EEFSEC: variants seen among roughly 807,000 people sequenced by gnomAD.
EEFSEC encodes the protein selenocysteine-specific elongation factor.
A neutral mutation model predicts 42.1 loss-of-function variants in EEFSEC; 43 were observed. The ratio of observed to expected loss-of-function variants is 1.02; its 90% CI spans 0.80 to 1.32. EEFSEC has a LOEUF of 1.32. Ranked by LOEUF, EEFSEC falls within the 40% of genes most tolerant of loss-of-function variation. The pLI is 0.00. For synonymous variants in EEFSEC, 354 were observed against 339.1 expected (o/e 1.04, Z -0.48); for missense variants, 745 against 803.6 (o/e 0.93, Z 0.88).
At chr3:128,244,448 C>T (rs2066105071) in intron 1 of EEFSEC, among the ~76,000 whole-genome samples, 1 of 150,916 alleles carries the variant, frequency 6.6e-6, no homozygotes, top group African/African-American at 2.4e-5. Flanking sequence ...AACAGGGAGC[C>T]TCCCACAGCC....
the EEFSEC span, among the ~76,000 whole-genome samples, chr3:128,420,924 T>A: frequency 2.0e-4 from 31 of 152,158 alleles, no homozygotes; most frequent in African/African-American, 7.2e-4. Context: ...CTTGCACCTG[T>A]CCGGGACCTG....
intron 4 of EEFSEC, among the ~76,000 whole-genome samples, chr3:128,267,696 A>C (rs931764491): frequency 1.3e-5 from 2 of 152,232 alleles, no homozygotes; most frequent in African/African-American, 2.4e-5. Flanking sequence ...CTGAGAAAGC[A>C]TACCTTGGAG....
chr3:128,263,988 C>G (rs1308402383), intron 3 of EEFSEC, among the ~76,000 whole-genome samples: 3 of 152,182 alleles, frequency 2.0e-5, no homozygotes, highest in South Asian at 2.1e-4. Flanking sequence ...TCTCACAGCC[C>G]TATGGGGGAG....
intron 5 of EEFSEC, among the ~76,000 whole-genome samples, chr3:128,343,279 TTC>T (rs1218122280): frequency 2.6e-5 from 4 of 152,172 alleles, no homozygotes; most frequent in Non-Finnish European, 5.9e-5. Context: ...TCGTCTGGAA[TTC>T]TCTGTCACTG....
intron 4 of EEFSEC, among the ~76,000 whole-genome samples, chr3:128,305,560 A>G (rs1392352615): frequency 6.6e-6 from 1 of 152,182 alleles, no homozygotes; most frequent in Non-Finnish European, 1.5e-5. Context: ...CTTTTGTTTC[A>G]GTCTCTGCCA....
At chr3:128,415,698 A>G in the EEFSEC span, among the ~76,000 whole-genome samples, 2 of 152,140 alleles carry the variant, frequency 1.3e-5, no homozygotes, top group African/African-American at 2.4e-5. Context: ...TCTCGCACAG[A>G]TGGCTCTTGA....
chr3:128,420,530 C>T, the EEFSEC span, among the ~76,000 whole-genome samples: 1 of 152,186 alleles, frequency 6.6e-6, no homozygotes, highest in South Asian at 2.1e-4. Flanking sequence ...CGCCTGGGAT[C>T]CCTGCAGTTG....
chr3:128,193,290 C>T (rs2065546603), intron 1 of EEFSEC, among the ~76,000 whole-genome samples: 1 of 152,200 alleles, frequency 6.6e-6, no homozygotes, highest in Non-Finnish European at 1.5e-5. Flanking sequence ...AAGAAAGTGC[C>T]CTCCAGACCA....
chr3:128,160,792 G>GCACACACACGCGCGCACACA (rs1414037550), intron 1 of EEFSEC, among the ~76,000 whole-genome samples: 1 of 151,848 alleles, frequency 6.6e-6, no homozygotes, highest in African/African-American at 2.4e-5. Flanking sequence ...CACTGTGTGC[G>GCACACACACGCGCGCACACA]CACACACACG....
chr3:128,218,061 T>C (rs1195649854), intron 1 of EEFSEC, among the ~76,000 whole-genome samples: 4 of 152,172 alleles, frequency 2.6e-5, no homozygotes, highest in Non-Finnish European at 5.9e-5. Context: ...GAGACCACAG[T>C]GGATACATGT....
intron 2 of EEFSEC, among the ~76,000 whole-genome samples, chr3:128,258,893 C>G (rs1309311511): frequency 6.6e-6 from 1 of 152,114 alleles, no homozygotes; most frequent in Admixed American, 6.6e-5. Context: ...GACACATGCC[C>G]CTGCCTCCAA....
At chr3:128,366,450 A>G (rs113480124) in intron 6 of EEFSEC, among the ~76,000 whole-genome samples, 6,408 of 152,264 alleles carry the variant, frequency 0.042, 441 homozygotes, top group African/African-American at 0.15. Flanking sequence ...GCCCAGGGAA[A>G]CCAGGCTGTC....
intron 1 of EEFSEC, among the ~76,000 whole-genome samples, chr3:128,195,037 C>T (rs573761377): frequency 2.4e-4 from 36 of 152,194 alleles, no homozygotes; most frequent in African/African-American, 6.0e-4. Flanking sequence ...TTCTCCTCCT[C>T]CCACCCCTCC....
At chr3:128,418,408 C>T in the EEFSEC span, among the ~76,000 whole-genome samples, 1 of 152,226 alleles carries the variant, frequency 6.6e-6, no homozygotes, top group East Asian at 1.9e-4. Flanking sequence ...CGACTCCTCT[C>T]CTGCCCCCAC....
chr3:128,230,741 C>G lies in EEFSEC; in HGVS notation c.317-16095C>G, dbSNP rs1342524402. On this transcript the variant is annotated intron_variant, in intron 1 of 6. Transcript: ENST00000254730. Reference sequence around the variant, plus strand: ...GGGCCTTTAGACAGGTCTCGCTTAGCATGCAGATTGGGAAAGTTGAAGTAG... The same window carrying G: ...GGGCCTTTAGACAGGTCTCGCTTAGGATGCAGATTGGGAAAGTTGAAGTAG... Among the ~76,000 whole-genome samples the G allele has an allele frequency of 2.0e-5, 3 of 152,184 alleles. No homozygotes were observed. In the East Asian group the frequency reaches 5.8e-4, roughly 29 times the overall value.
At chr3:128,417,937 A>AAGCC in the EEFSEC span, among the ~76,000 whole-genome samples, 1 of 151,752 alleles carries the variant, frequency 6.6e-6, no homozygotes, top group South Asian at 2.1e-4. This position sits in a 1 kb window ranked among gnomAD's most constrained non-coding sequence, Gnocchi z 4.3. Context: ...CCCAGCCAGG[A>AAGCC]CCCGGGGGCC....
the EEFSEC span, among the ~76,000 whole-genome samples, chr3:128,418,968 AG>A: frequency 6.6e-6 from 1 of 152,338 alleles, no homozygotes; most frequent in South Asian, 2.1e-4. Context: ...CATCCCAGTC[AG>A]TAATGCTCTT....
Position 128,174,206 on chromosome 3 carries a change from C to G in EEFSEC, c.316+20383C>G, listed in dbSNP as rs541264421. The stretch of plus-strand genomic sequence containing the variant: ...TGAAAAAGGCCAGTGAAACCCAGGG[C>G]TGGTTTAAGGCCTGCGCTGCAGCCT... On this transcript the variant is annotated intron_variant, in intron 1 of 6. Transcript: ENST00000254730. Among the ~76,000 whole-genome samples the G allele has an allele frequency of 4.6e-3, 699 of 152,308 alleles. 3 individuals are homozygous for G. Among genetic ancestry groups the G allele is most frequent in the Middle Eastern group, 0.01 (3 of 294 alleles).
At chr3:128,366,842 C>T (rs1415854702) in intron 6 of EEFSEC, among the ~76,000 whole-genome samples, 1 of 152,176 alleles carries the variant, frequency 6.6e-6, no homozygotes, top group Non-Finnish European at 1.5e-5. Flanking sequence ...CCACAGCCCA[C>T]ATGACCCCTG....
Sources: gnomAD v4.1 joint callset for allele counts (sites outside exome capture counted in the v4.1 genomes callset) on GRCh38, gnomAD v4.1.1 for gene constraint, Gnocchi (gnomAD v3.1) non-coding constraint, MANE v1.5 for transcripts, NCBI Gene and HGNC (gene_info 2026-07-23, HGNC 2026-07-21) for gene names.